Variants in NHSL1 observed in about 807,000 individuals in gnomAD.
NHSL1 encodes the protein NHS like 1, also known as NHS-like protein 1.
A neutral mutation model predicts 95.0 loss-of-function variants in NHSL1; 48 were observed. That is an observed-to-expected ratio of 0.51 (90% CI 0.40 to 0.64). The LOEUF is 0.64. NHSL1 is among the 30% of genes least tolerant of loss of function. NHSL1 has a pLI of 0.00. For synonymous variants in NHSL1, 783 were observed against 833.9 expected (o/e 0.94, Z 1.05); for missense variants, 1,971 against 2,077.7 (o/e 0.95, Z 1.00).
chr6:138,463,473 A>G (rs890371906), intron 3 of NHSL1, among the ~76,000 whole-genome samples: 3 of 149,458 alleles, frequency 2.0e-5, no homozygotes, highest in Non-Finnish European at 3.0e-5. Context: ...TAACTAAAAT[A>G]AGGTTTCCAG....
chr6:138,604,386 A>G (rs1784407767), intron 1 of NHSL1, among the ~76,000 whole-genome samples: 1 of 152,192 alleles, frequency 6.6e-6, no homozygotes, highest in Non-Finnish European at 1.5e-5. Flanking sequence ...ACGAACACTA[A>G]GGATACTTTC....
intron 1 of NHSL1, chr6:138,512,186 C>T: frequency 2.4e-6 from 1 of 417,352 alleles, no homozygotes; most frequent in Admixed American, 2.8e-5. Flanking sequence ...AAAATACCTG[C>T]ACTTTCCCAT....
chr6:138,634,487 T>A (rs1784862725), intron 1 of NHSL1, among the ~76,000 whole-genome samples: 1 of 151,998 alleles, frequency 6.6e-6, no homozygotes, highest in African/African-American at 2.4e-5. Context: ...ATGATAAAGG[T>A]GTCAATTCAG....
chr6:138,660,107 A>T (rs1785207891), intron 1 of NHSL1, among the ~76,000 whole-genome samples: 1 of 152,198 alleles, frequency 6.6e-6, no homozygotes, highest in African/African-American at 2.4e-5. Flanking sequence ...GATTCAAAAC[A>T]CTGCATCTCT....
At position 138,429,755 on chromosome 6, in the gene NHSL1, G is replaced by A. The variant is rs772443975; in HGVS notation, c.4041C>T (p.Pro1347=). The A allele has an allele frequency of 1.9e-6, 3 of 1,551,812 alleles. No individual in the cohort carries two copies. The highest frequency in any genetic ancestry group is 2.6e-6 in the Non-Finnish European group (3 of 1,146,962). The change falls in exon 7 of 8, where the codon CCC becomes CCT. Residue 1347 remains proline, a synonymous_variant. Transcript: ENST00000343505. ...KEDGNDEVMT[P]SRPRTTEDLF... ...GGTCTTCTGTGGTCCTGGGTCGACT[G>A]GGGGTCATTACCTCATCATTCCCGT...
intron 1 of NHSL1, among the ~76,000 whole-genome samples, chr6:138,562,935 G>C (rs915730182): frequency 1.3e-5 from 2 of 152,112 alleles, no homozygotes; most frequent in African/African-American, 4.8e-5. Context: ...AGACTTCAAA[G>C]GGCTTCAAGT....
At chr6:138,638,027 CA>C (rs1321327172) in intron 1 of NHSL1, among the ~76,000 whole-genome samples, 1 of 152,064 alleles carries the variant, frequency 6.6e-6, no homozygotes, top group African/African-American at 2.4e-5. Context: ...ACTATTCAGC[CA>C]TTAAAAAGAA....
chr6:138,439,200 AT>A (rs1294661625), intron 5 of NHSL1, among the ~76,000 whole-genome samples: 1 of 152,152 alleles, frequency 6.6e-6, no homozygotes, highest in African/African-American at 2.4e-5. Flanking sequence ...CTCTGGTTAG[AT>A]TTTTTTAAAA....
chr6:138,685,847 G>C (rs1014863722), intron 1 of NHSL1, among the ~76,000 whole-genome samples: 1 of 152,008 alleles, frequency 6.6e-6, no homozygotes, highest in Non-Finnish European at 1.5e-5. Flanking sequence ...AACCCTGTCT[G>C]GATTCAAAGC....
chr6:138,434,389 A>G (rs559914692), intron 5 of NHSL1, among the ~76,000 whole-genome samples: 2 of 152,046 alleles, frequency 1.3e-5, no homozygotes, highest in East Asian at 1.9e-4. Flanking sequence ...GAGTTTTACA[A>G]CCAAACAGAG....
At position 138,433,080 on chromosome 6, in the gene NHSL1, G is replaced by C; in HGVS notation, c.1265C>G (p.Ser422Cys). The C allele has an allele frequency of 6.4e-7, 1 of 1,551,128 alleles. No individual in the cohort carries two copies. ...AGCAGTGGGAATAGCGATGACCTCG[G>C]AAGAGGAAGACAGTGTGGCATTTGG... Reference protein sequence around the residue: ...IIPNATLSSSSEVIAIPTAQS... With the variant: ...IIPNATLSSSCEVIAIPTAQS... Residue 422 changes from serine to cysteine, a missense_variant, in exon 6 of 8, where the codon TCC becomes TGC. This residue lies in a region of NHSL1 where 1,602 missense variants were observed against 1,654.5 expected (regional missense o/e 0.97). Transcript: ENST00000343505.
At chr6:138,545,546 G>A in intron 1 of NHSL1, 1 of 1,053,756 alleles carries the variant, frequency 9.5e-7, no homozygotes, top group African/African-American at 1.6e-5. Flanking sequence ...TCAGCTCTGT[G>A]ATTTAGACTC....
chr6:138,502,387 ATTTTT>A (rs1780732922), upstream of NHSL1, among the ~76,000 whole-genome samples: 1 of 151,730 alleles, frequency 6.6e-6, no homozygotes, highest in Non-Finnish European at 1.5e-5. Flanking sequence ...CTGGAACTGT[ATTTTT>A]TAATTGTTCA....
chr6:138,510,508 C>T (rs190339654), intron 1 of NHSL1, among the ~76,000 whole-genome samples: 1 of 152,130 alleles, frequency 6.6e-6, no homozygotes, highest in East Asian at 1.9e-4. Context: ...GAATACACAG[C>T]AGCAAAATTC....
chr6:138,630,996 T>C (rs1784811759), intron 1 of NHSL1, among the ~76,000 whole-genome samples: 1 of 152,166 alleles, frequency 6.6e-6, no homozygotes, highest in African/African-American at 2.4e-5. Flanking sequence ...GAATCACAGA[T>C]GCCATCCCTC....
chr6:138,638,818 A>G (rs1057188194), intron 1 of NHSL1, among the ~76,000 whole-genome samples: 2 of 152,202 alleles, frequency 1.3e-5, no homozygotes, highest in African/African-American at 4.8e-5. Context: ...AGGAGCAGCC[A>G]GAATACAGGA....
intron 1 of NHSL1, among the ~76,000 whole-genome samples, chr6:138,620,540 T>G (rs1464350406): frequency 6.6e-6 from 1 of 152,312 alleles, no homozygotes; most frequent in African/African-American, 2.4e-5. Context: ...TAGGTCAATA[T>G]GGTTGGTGGT....
chr6:138,482,700 A>AGTCACCTTTGCCACCAACGAGAGAG (rs375267761), intron 2 of NHSL1, among the ~76,000 whole-genome samples: 12 of 152,286 alleles, frequency 7.9e-5, no homozygotes, highest in South Asian at 4.2e-4. Flanking sequence ...CAGTTTCTCA[A>AGTCACCTTTGCCACCAACGAGAGAG]GTCACCTTTG....
intron 1 of NHSL1, among the ~76,000 whole-genome samples, chr6:138,669,203 G>A (rs1261119721): frequency 1.3e-5 from 2 of 152,002 alleles, no homozygotes; most frequent in South Asian, 2.1e-4. Flanking sequence ...CAAAGGGGGC[G>A]AACTGAACAC....
Sources: gnomAD v4.1 joint callset for allele counts (sites outside exome capture counted in the v4.1 genomes callset) on GRCh38, gnomAD v4.1.1 for gene constraint, gnomAD v4.1.1 regional missense constraint, MANE v1.5 for transcripts, NCBI Gene and HGNC (gene_info 2026-07-23, HGNC 2026-07-21) for gene names.